The following ZNF616 variants were observed in gnomAD, a reference collection of about 807,000 sequenced individuals.
ZNF616 encodes zinc finger protein 616.
ZNF616 carries 5 observed loss-of-function variants against 7.6 expected under a neutral mutation model. That is an observed-to-expected ratio of 0.66 (90% CI 0.34 to 1.38). ZNF616 has a LOEUF of 1.38. ZNF616 is among the 40% of genes most tolerant of loss of function. ZNF616 has a pLI of 0.04. For synonymous variants in ZNF616, 319 were observed against 317.2 expected, an observed-to-expected ratio of 1.01 and a Z score of -0.06; for missense variants, 913 against 948.3, an observed-to-expected ratio of 0.96 and a Z score of 0.49.
In ZNF616 at chr19:52,113,112, CTGAA is replaced by C. The variant is rs2088785893; in HGVS notation, c.*1702_*1705del. On this transcript the variant is annotated 3_prime_UTR_variant, in exon 4 of 4. Transcript: ENST00000600228. ...CAAATTTAATGTAATATTTTATAAA[CTGAA>C]TGAGCCATTTTCACACATGCACTTG... 1 of 152,132 alleles carries C rather than the reference CTGAA, an allele frequency of 6.6e-6. No homozygotes were observed. Among genetic ancestry groups the C allele is most frequent in the Non-Finnish European group, 1.5e-5 (1 of 68,020 alleles). 9.4% of individuals were successfully genotyped at this position (152,132 alleles called of 1,614,324 possible).
At chr19:52,126,682 T>C (rs1436424223) in intron 2 of ZNF616, among the ~76,000 whole-genome samples, 1 of 150,214 alleles carries the variant, frequency 6.7e-6, no homozygotes, top group African/African-American at 2.5e-5. Context: ...GGCAGGACAA[T>C]TGCCCGAACC....
In ZNF616 at chr19:52,113,885, C is replaced by G. The variant is rs768142374; in HGVS notation, c.*933G>C. 4.6e-5 allele frequency: 7 copies of G among 152,100 alleles called. No individual in the cohort carries two copies. The highest frequency in any genetic ancestry group is 7.2e-5 in the African/African-American group (3 of 41,382). The allele number at this position is 152,100 out of a possible 1,614,324, so 9.4% of individuals were successfully genotyped here. On this transcript the variant is annotated 3_prime_UTR_variant, in exon 4 of 4. Transcript: ENST00000600228. ...CACTGATAAGCATTTGGGTTGATTC[C>G]AGGTCTTTGAACATTTCATTTTTTA...
chr19:52,128,666 TG>T (rs766981022), intron 2 of ZNF616, among the ~76,000 whole-genome samples: 4 of 148,710 alleles, frequency 2.7e-5, no homozygotes, highest in Non-Finnish European at 5.9e-5. Context: ...CGCTTGAACC[TG>T]GGAGGCGGAG....
intron 1 of ZNF616, among the ~76,000 whole-genome samples, chr19:52,133,439 G>T (rs2088977538): frequency 6.6e-6 from 1 of 152,130 alleles, no homozygotes; most frequent in Admixed American, 6.5e-5. Context: ...AAGTTCAGGG[G>T]TACACGTGCA....
At chr19:52,122,928 C>T (rs1042998184) in intron 3 of ZNF616, among the ~76,000 whole-genome samples, 2 of 152,102 alleles carry the variant, frequency 1.3e-5, no homozygotes, top group African/African-American at 4.8e-5. Flanking sequence ...GCCACCGTGC[C>T]CGGTCTCATT....
chr19:52,136,565 G>A (rs1259831131), intron 1 of ZNF616, among the ~76,000 whole-genome samples: 1 of 149,564 alleles, frequency 6.7e-6, no homozygotes, highest in Non-Finnish European at 1.5e-5. Context: ...TCTTAGGAAG[G>A]CTATTATCAA....
chr19:52,121,555 C>T (rs1345493023), intron 3 of ZNF616, among the ~76,000 whole-genome samples: 3 of 152,094 alleles, frequency 2.0e-5, no homozygotes, highest in Non-Finnish European at 4.4e-5. Context: ...GATATAAATG[C>T]TTCTGTTAAA....
Position 52,116,661 on chromosome 19 carries a change from T to A in ZNF616, c.503A>T (p.Lys168Met). Residue 168 changes from lysine (K) to methionine (M), a missense_variant, in exon 4 of 4, where the codon AAG (lysine) becomes ATG (methionine). By Grantham distance (95) the Lys-to-Met change is moderately conservative. Transcript: ENST00000600228. ...GRLYECNETE[K>M]TGNNGCLVSP... ...AACTAAACAACCATTATTACCTGTC[T>A]TCTCCGTTTCATTACATTCATAAAG... 6.2e-7 allele frequency: 1 copy of A among 1,614,196 alleles called. No individual in the cohort carries two copies. Among genetic ancestry groups the A allele is most frequent in the Non-Finnish European group, 8.5e-7 (1 of 1,180,024 alleles).
chr19:52,123,222 T>C (rs370890692), intron 3 of ZNF616, among the ~76,000 whole-genome samples: 81 of 152,246 alleles, frequency 5.3e-4, no homozygotes, highest in African/African-American at 1.9e-3. Context: ...TTACAATACA[T>C]GAAAATGCAC....
rs1253881974 is a variant in ZNF616, at chr19:52,114,282, T to C, written c.*536A>G. On this transcript the variant is annotated 3_prime_UTR_variant, in exon 4 of 4. Transcript: ENST00000600228. ...GGATGTATACATCCTGGAATATATA[T>C]ACAAATTCTTACACCTAGTGAGTAG... 1.3e-5 allele frequency: 2 copies of C among 152,358 alleles called. No individual in the cohort carries two copies. The highest frequency in any genetic ancestry group is 2.9e-5 in the Non-Finnish European group (2 of 68,238). The allele number at this position is 152,358 out of a possible 1,614,324, so 9.4% of individuals were successfully genotyped here.
At chr19:52,138,827 CTCT>C (rs1184607248) in intron 1 of ZNF616, 4 of 152,752 alleles carry the variant, frequency 2.6e-5, no homozygotes, top group Admixed American at 6.5e-5. Flanking sequence ...TCTCCCTCTA[CTCT>C]CCTTTGTTAC....
intron 3 of ZNF616, among the ~76,000 whole-genome samples, chr19:52,119,426 G>A (rs371682026): frequency 2.0e-5 from 3 of 151,934 alleles, no homozygotes; most frequent in African/African-American, 4.8e-5. Flanking sequence ...GAATGAGTAC[G>A]GTCATCCCTT....
intron 2 of ZNF616, among the ~76,000 whole-genome samples, 164 bp downstream of exon 2, chr19:52,130,337 G>C (rs1283090116): frequency 6.6e-6 from 1 of 152,150 alleles, no homozygotes; most frequent in Non-Finnish European, 1.5e-5. Flanking sequence ...TAAATAAGAT[G>C]AGAGGAACTG....
Position 52,116,601 on chromosome 19 carries a change from T to A in ZNF616, c.563A>T (p.Asn188Ile). 1 of 1,614,120 alleles carries A rather than the reference T, an allele frequency of 6.2e-7. No individual in the cohort carries two copies. The highest frequency in any genetic ancestry group is 8.5e-7 in the Non-Finnish European group (1 of 1,180,008). The change falls in exon 4 of 4, where the codon AAT (asparagine) becomes ATT (isoleucine). Residue 188 changes from asparagine (N) to isoleucine (I), a missense_variant. Asn to Ile is a moderately radical substitution (Grantham distance 149). Coordinates refer to ENST00000600228, the MANE Select transcript of ZNF616 (RefSeq NM_178523.5). ...CGCTTTAAAGGCTTTGCCACATTCA[T>A]TACATACATACGTTTTTTCCCTAAT... Reference protein sequence around the residue: ...PHIREKTYVCNECGKAFKASS... With the variant: ...PHIREKTYVCIECGKAFKASS...
At chr19:52,137,750 G>T (rs1233039314) in intron 1 of ZNF616, among the ~76,000 whole-genome samples, 1 of 151,996 alleles carries the variant, frequency 6.6e-6, no homozygotes, top group Non-Finnish European at 1.5e-5. Flanking sequence ...GAAAGTTTTT[G>T]AAAAATCTAA....
Position 52,115,511 on chromosome 19 carries a change from G to C in ZNF616, c.1653C>G (p.Cys551Trp), listed in dbSNP as rs1394069425. ...GACTGAAGACCTTGCCACATTCTTTGCATTTGTAAGGCTTCTCTCCAGTAT... is the reference window on the plus strand; with the variant it reads ...GACTGAAGACCTTGCCACATTCTTTCCATTTGTAAGGCTTCTCTCCAGTAT... Reference protein sequence around the residue: ...RIHTGEKPYKCKECGKVFSQC... With the variant: ...RIHTGEKPYKWKECGKVFSQC... The change falls in exon 4 of 4, where the codon TGC (cysteine) becomes TGG (tryptophan). Residue 551 changes from cysteine (C) to tryptophan (W), a missense_variant. Transcript: ENST00000600228. 6.2e-7 allele frequency: 1 copy of C among 1,613,906 alleles called. No individual in the cohort carries two copies. The highest frequency in any genetic ancestry group is 1.1e-5 in the South Asian group (1 of 91,062).
At chr19:52,132,023 C>G (rs1390323607) in intron 1 of ZNF616, among the ~76,000 whole-genome samples, 2 of 152,136 alleles carry the variant, frequency 1.3e-5, no homozygotes, top group African/African-American at 4.8e-5. Flanking sequence ...CCCGAGGCAG[C>G]AGATCAGGTA....
At position 52,123,596 on chromosome 19, in the gene ZNF616, C is replaced by T. The variant is rs1408297877; in HGVS notation, c.139+327G>A. ...GCAGTGAGCTGTGATCACACCACTG[C>T]ACTCCAGCCTGGGCAACAGAGCAAG... On this transcript the variant is annotated intron_variant, in intron 3 of 3. Transcript: ENST00000600228. 2.0e-5 allele frequency among the ~76,000 whole-genome samples: 3 copies of T among 152,142 alleles called. No individual in the cohort carries two copies. In the East Asian group the frequency reaches 5.8e-4, roughly 29 times the overall value.
In ZNF616 at chr19:52,123,945, G is replaced by A. The variant is rs763002571; in HGVS notation, c.117C>T (p.Asn39=). 12 of 1,614,036 alleles carry A rather than the reference G, an allele frequency of 7.4e-6. No homozygotes were observed. In the South Asian group the frequency reaches 1.2e-4, roughly 16 times the overall value. The change falls in exon 3 of 4, where the codon AAC becomes AAT. Residue 39 remains asparagine, a synonymous_variant. Coordinates refer to ENST00000600228, the MANE Select transcript of ZNF616 (RefSeq NM_178523.5). ...KALYKDVMLE[N]YRNLVFLGIS... ...CACCTAGGAAGACCAGGTTCCTATA[G>A]TTCTCCAACATCACATCCTTGTACA...
Sources: allele counts gnomAD v4.1 joint callset (sites outside exome capture counted in the v4.1 genomes callset), GRCh38; gene constraint gnomAD v4.1.1; transcripts MANE v1.5; gene names NCBI Gene and HGNC (gene_info 2026-07-23, HGNC 2026-07-21).